Variants in MAST4 observed in about 807,000 individuals in gnomAD.
MAST4 encodes the protein microtubule-associated serine/threonine-protein kinase 4.
Under a neutral mutation model 162.7 loss-of-function variants are expected in MAST4, and 89 were observed. That is an observed-to-expected ratio of 0.55 (90% CI 0.46 to 0.65). The LOEUF is 0.65. MAST4 is among the 30% of genes least tolerant of loss of function. The probability of loss-of-function intolerance (pLI) is 0.00; values close to 1 mark genes in which losing one functional copy is unlikely to be tolerated. For missense variants in MAST4, 3,153 were observed against 3,374.0 expected, an observed-to-expected ratio of 0.93 and a Z score of 1.62; for synonymous variants, 1,479 against 1,361.1, an observed-to-expected ratio of 1.09 and a Z score of -1.91.
At chr5:66,785,949 A>G (rs909595692) in intron 2 of MAST4, among the ~76,000 whole-genome samples, 1 of 151,960 alleles carries the variant, frequency 6.6e-6, no homozygotes, top group African/African-American at 2.4e-5. Context: ...GCTCACTGCA[A>G]CCTCCACCTC....
At chr5:66,681,300 A>G (rs921819196) in intron 1 of MAST4, among the ~76,000 whole-genome samples, 16 of 152,352 alleles carry the variant, frequency 1.1e-4, no homozygotes, top group Middle Eastern at 3.4e-3. Flanking sequence ...CTCAGCACTT[A>G]TAAGTCACAA....
intron 4 of MAST4, among the ~76,000 whole-genome samples, chr5:66,950,440 TCTCTGA>T (rs1034427510): frequency 2.6e-5 from 4 of 152,230 alleles, no homozygotes; most frequent in African/African-American, 9.6e-5. Flanking sequence ...CTTCCCCTAG[TCTCTGA>T]CAATAGCCAT....
At chr5:66,849,937 TG>T (rs1759182245) in intron 3 of MAST4, among the ~76,000 whole-genome samples, 1 of 152,164 alleles carries the variant, frequency 6.6e-6, no homozygotes, top group Non-Finnish European at 1.5e-5. Flanking sequence ...TAGATGTTAA[TG>T]GGGTCCTTGG....
chr5:66,852,258 C>T (rs1382838457), intron 3 of MAST4, among the ~76,000 whole-genome samples: 2 of 152,136 alleles, frequency 1.3e-5, no homozygotes, highest in Non-Finnish European at 2.9e-5. Flanking sequence ...GGTGGTCCTC[C>T]CACCACAGCC....
chr5:67,030,011 A>G (rs1460627984), intron 4 of MAST4, among the ~76,000 whole-genome samples: 2 of 152,110 alleles, frequency 1.3e-5, no homozygotes, highest in Non-Finnish European at 2.9e-5. Context: ...AATTTTTTCA[A>G]TTAAATAAAA....
chr5:67,108,653 T>C (rs559064480), intron 10 of MAST4, among the ~76,000 whole-genome samples: 19 of 152,300 alleles, frequency 1.2e-4, no homozygotes, highest in Non-Finnish European at 2.5e-4. Flanking sequence ...CCTTTTATTT[T>C]AATGTCAAAA....
intron 24 of MAST4, among the ~76,000 whole-genome samples, chr5:67,152,037 G>C (rs890582124): frequency 3.9e-5 from 6 of 152,120 alleles, no homozygotes; most frequent in South Asian, 2.1e-4. Context: ...CAAAAGTGCT[G>C]GGATTACAGG....
chr5:66,748,862 A>C lies in MAST4; in HGVS notation c.364-10847A>C, dbSNP rs182049688. Among the ~76,000 whole-genome samples, 1,201 of 151,218 alleles carry C rather than the reference A, an allele frequency of 7.9e-3. 6 individuals are homozygous for C. The highest frequency in any genetic ancestry group is 0.014 in the Admixed American group (207 of 15,184). On this transcript the variant is annotated intron_variant, in intron 1 of 28. Coordinates refer to ENST00000403625, the MANE Select transcript of MAST4 (RefSeq NM_001164664.2). ...TATAATCCAACATGACTGTCAGCAA[A>C]ATCAATTAATAGGTCCCAGGATGGT...
intron 4 of MAST4, among the ~76,000 whole-genome samples, chr5:66,922,082 G>A (rs1764576552): frequency 6.6e-6 from 1 of 152,100 alleles, no homozygotes; most frequent in South Asian, 2.1e-4. Flanking sequence ...GTTCCTATGC[G>A]GGACTTCCAT....
chr5:67,160,480 A>G lies in MAST4; in HGVS notation c.3673A>G (p.Thr1225Ala), dbSNP rs1773062300. 6.2e-7 allele frequency: 1 copy of G among 1,613,802 alleles called. No individual in the cohort carries two copies. Among genetic ancestry groups the G allele is most frequent in the Non-Finnish European group, 8.5e-7 (1 of 1,179,810 alleles). The change falls in exon 27 of 29, where the codon ACT becomes GCT. Residue 1225 changes from threonine (T) to alanine (A), a missense_variant. This residue lies in a region of MAST4 where 619 missense variants were observed against 744.2 expected (regional missense o/e 0.83). Transcript: ENST00000403625. ...LKSGNKVSIT[T>A]TPFENTSIKT... Reference sequence around the variant, plus strand: ...GAGTGGGAATAAGGTGTCAATCACTACTACCCCATTTGAAAACACATCAAT... The same window carrying G: ...GAGTGGGAATAAGGTGTCAATCACTGCTACCCCATTTGAAAACACATCAAT...
At position 67,145,266 on chromosome 5, in the gene MAST4, C is replaced by G; in HGVS notation, c.2981C>G (p.Pro994Arg). 2 of 1,613,970 alleles carry G rather than the reference C, an allele frequency of 1.2e-6. No individual in the cohort carries two copies. The highest frequency in any genetic ancestry group is 1.3e-5 in the African/African-American group (1 of 75,048). The change falls in exon 23 of 29, where the codon CCT becomes CGT. Residue 994 changes from proline to arginine, a missense_variant. Physicochemically the swap from Pro to Arg is moderately radical, Grantham distance 103. Around this residue, in one of 7 missense-constraint regions of MAST4, gnomAD observed 619 missense variants for 744.2 expected, o/e 0.83. Transcript: ENST00000403625. ...GAGCAAGATGAAGCTGCCTCCTGCCCTGGAGACCCCCATGAGGAGCCAGGA... is the reference window on the plus strand; with the variant it reads ...GAGCAAGATGAAGCTGCCTCCTGCCGTGGAGACCCCCATGAGGAGCCAGGA... ...EGEQDEAASC[P>R]GDPHEEPGKP...
intron 14 of MAST4, among the ~76,000 whole-genome samples, chr5:67,125,956 G>A (rs1768178307): frequency 6.6e-6 from 1 of 152,186 alleles, no homozygotes; most frequent in African/African-American, 2.4e-5. Context: ...TAACTGGCGA[G>A]AGATGGTATC....
At chr5:67,073,706 T>C (rs376693706) in intron 5 of MAST4, among the ~76,000 whole-genome samples, 3 of 152,210 alleles carry the variant, frequency 2.0e-5, no homozygotes, top group Admixed American at 6.5e-5. Context: ...GATGAAGATA[T>C]GTTGAAGAAA....
intron 1 of MAST4, among the ~76,000 whole-genome samples, chr5:66,685,086 ACT>A (rs1748560582): frequency 6.6e-6 from 1 of 152,052 alleles, no homozygotes; most frequent in African/African-American, 2.4e-5. Flanking sequence ...ACATGGCGAA[ACT>A]CTGTCTCTAC....
chr5:66,710,316 T>C (rs951447302), intron 1 of MAST4, among the ~76,000 whole-genome samples: 3 of 152,230 alleles, frequency 2.0e-5, no homozygotes, highest in African/African-American at 7.2e-5. Flanking sequence ...TTTTATAATA[T>C]ATATTATACC....
intron 1 of MAST4, chr5:66,738,267 T>A (rs899800109): frequency 6.6e-6 from 1 of 152,240 alleles, no homozygotes; most frequent in African/African-American, 2.4e-5. Context: ...GGTAAGAGTG[T>A]TCTGGAGGAT....
rs528931242 is a variant in MAST4, at chr5:66,790,427, G to A, written c.642+1633G>A. Among the ~76,000 whole-genome samples the A allele has an allele frequency of 7.9e-4, 121 of 152,270 alleles. 1 individual carries two copies. The highest frequency in any genetic ancestry group is 2.8e-3 in the African/African-American group (116 of 41,546). ...TTCTTCTTTCAGAATAATTTTGAATGTGTGAAATAATTATCTTTAAAGAAA... is the reference window on the plus strand; with the variant it reads ...TTCTTCTTTCAGAATAATTTTGAATATGTGAAATAATTATCTTTAAAGAAA... On this transcript the variant is annotated intron_variant, in intron 3 of 28. Transcript: ENST00000403625.
chr5:67,081,538 A>G (rs1762655906), intron 5 of MAST4, among the ~76,000 whole-genome samples: 1 of 152,118 alleles, frequency 6.6e-6, no homozygotes, highest in Non-Finnish European at 1.5e-5. Flanking sequence ...TCTCAGGGAC[A>G]AGTGGAAGCT....
chr5:66,939,279 C>A (rs908592816), intron 4 of MAST4, among the ~76,000 whole-genome samples: 5 of 151,998 alleles, frequency 3.3e-5, no homozygotes, highest in African/African-American at 1.2e-4. Flanking sequence ...CAGTGGAAGA[C>A]AGGATTAGTA....
Sources: gnomAD v4.1 joint callset for allele counts (sites outside exome capture counted in the v4.1 genomes callset) on GRCh38, gnomAD v4.1.1 for gene constraint, gnomAD v4.1.1 regional missense constraint, MANE v1.5 for transcripts, NCBI Gene and HGNC (gene_info 2026-07-23, HGNC 2026-07-21) for gene names.